Variants in DTNBP1 observed in about 807,000 individuals in gnomAD.
DTNBP1 encodes dysbindin.
In DTNBP1, 35 loss-of-function variants were observed where a neutral mutation model predicts 42.8. That is an observed-to-expected ratio of 0.82 (90% CI 0.63 to 1.09). The LOEUF (loss-of-function observed/expected upper bound fraction) is 1.09. Ranked by LOEUF, DTNBP1 falls within the 50% of genes least tolerant of loss-of-function variation. DTNBP1 has a pLI of 0.00. For synonymous variants in DTNBP1, 171 were observed against 162.2 expected, an observed-to-expected ratio of 1.05 and a Z score of -0.41; for missense variants, 457 against 424.2, an observed-to-expected ratio of 1.08 and a Z score of -0.68.
chr6:15,651,267 T>C (rs374445055), intron 3 of DTNBP1, 46 bp downstream of exon 3: 198 of 1,575,672 alleles, frequency 1.3e-4, no homozygotes, highest in Middle Eastern at 2.3e-4. Flanking sequence ...TTTTGGTCAG[T>C]AAAAAAGTCA....
chr6:15,542,528 C>A (rs1158678699), intron 7 of DTNBP1, among the ~76,000 whole-genome samples: 1 of 151,962 alleles, frequency 6.6e-6, no homozygotes, highest in Non-Finnish European at 1.5e-5. Flanking sequence ...CACGCCACCA[C>A]ACCCAGCTAA....
At chr6:15,625,905 C>G (rs1759312241) in intron 5 of DTNBP1, among the ~76,000 whole-genome samples, 1 of 152,202 alleles carries the variant, frequency 6.6e-6, no homozygotes, top group African/African-American at 2.4e-5. Flanking sequence ...CATTACTATA[C>G]CTGTAAGAGG....
At chr6:15,631,596 C>T (rs1244917577) in intron 4 of DTNBP1, among the ~76,000 whole-genome samples, 2 of 152,106 alleles carry the variant, frequency 1.3e-5, no homozygotes, top group African/African-American at 4.8e-5. Context: ...CGGAACTGTC[C>T]AAAGATTAAA....
intron 6 of DTNBP1, among the ~76,000 whole-genome samples, chr6:15,605,855 T>C (rs1758020717): frequency 6.6e-6 from 1 of 152,252 alleles, no homozygotes; most frequent in African/African-American, 2.4e-5. Context: ...GTACCTGTCT[T>C]TGCCTATAGC....
At chr6:15,620,382 G>C (rs1483090698) in intron 5 of DTNBP1, among the ~76,000 whole-genome samples, 1 of 152,118 alleles carries the variant, frequency 6.6e-6, no homozygotes, top group Non-Finnish European at 1.5e-5. Context: ...GTAGAGACGA[G>C]ACCTCACTAT....
chr6:15,523,077 A>G lies in DTNBP1; in HGVS notation c.954T>C (p.Val318=), dbSNP rs904664456. The stretch of plus-strand genomic sequence containing the variant: ...GAACTTCCTCCTCATCGGACTGAAC[A>G]ACGGGGGACTCCCCACCCTCACTGA... ...RDISEGGESP[V]VQSDEEEVQV... is the part of the protein sequence containing the mutation. Residue 318 remains valine (V), a synonymous_variant, in exon 10 of 10, where the codon GTT becomes GTC. Transcript: ENST00000344537. 6.2e-7 allele frequency: 1 copy of G among 1,614,048 alleles called. No homozygotes were observed. The highest frequency in any genetic ancestry group is 8.5e-7 in the Non-Finnish European group (1 of 1,180,030).
intron 7 of DTNBP1, among the ~76,000 whole-genome samples, chr6:15,554,692 T>C (rs1473524645): frequency 1.6e-4 from 25 of 152,144 alleles, no homozygotes; most frequent in Non-Finnish European, 8.8e-5. Flanking sequence ...TGAATATTTA[T>C]GAAAGGAGAA....
intron 5 of DTNBP1, among the ~76,000 whole-genome samples, chr6:15,624,098 G>T (rs145337277): frequency 9.7e-4 from 148 of 152,330 alleles, no homozygotes; most frequent in African/African-American, 3.3e-3. Flanking sequence ...CGTGGTGCGT[G>T]GCAGATGCCC....
At chr6:15,632,979 T>G (rs1759778323) in intron 4 of DTNBP1, among the ~76,000 whole-genome samples, 1 of 152,236 alleles carries the variant, frequency 6.6e-6, no homozygotes, top group Admixed American at 6.5e-5. Context: ...TATTTAAGCT[T>G]GATACACATT....
intron 8 of DTNBP1, among the ~76,000 whole-genome samples, chr6:15,532,128 A>G (rs1484876719): frequency 6.6e-6 from 1 of 152,202 alleles, no homozygotes. Flanking sequence ...GTTCAGGAGA[A>G]TGGGAGGGCA....
rs576313784 is a variant in DTNBP1, at chr6:15,523,104, G to C, written c.927C>G (p.Asp309Glu). Residue 309 changes from aspartate to glutamate, a missense_variant, in exon 10 of 10, where the codon GAC becomes GAG. Transcript: ENST00000344537. ...CGGGGGACTCCCCACCCTCACTGAT[G>C]TCCCGGGTGGCCGAGTCGGTGCAGG... ...SSTCTDSATR[D>E]ISEGGESPVV... 1 of 1,614,216 alleles carries C rather than the reference G, an allele frequency of 6.2e-7. No homozygotes were observed. Among genetic ancestry groups the C allele is most frequent in the East Asian group, 2.2e-5 (1 of 44,874 alleles).
intron 1 of DTNBP1, among the ~76,000 whole-genome samples, chr6:15,657,705 T>C (rs1761365015): frequency 6.6e-6 from 1 of 152,246 alleles, no homozygotes; most frequent in Non-Finnish European, 1.5e-5. Context: ...TTACTTGCTA[T>C]CTGGTTTGTT....
intron 7 of DTNBP1, chr6:15,548,444 C>CAT (rs201102951): frequency 3.8e-5 from 5 of 131,276 alleles, no homozygotes; most frequent in African/African-American, 1.5e-4. Context: ...CACAGACACA[C>CAT]ACACACACAC....
At chr6:15,590,234 T>C (rs914071142) in intron 7 of DTNBP1, among the ~76,000 whole-genome samples, 5 of 152,138 alleles carry the variant, frequency 3.3e-5, no homozygotes, top group African/African-American at 1.2e-4. Flanking sequence ...ATGCCCGGCC[T>C]ATTCATACAC....
At chr6:15,556,055 C>A (rs9464797) in intron 7 of DTNBP1, among the ~76,000 whole-genome samples, 23,334 of 152,040 alleles carry the variant, frequency 0.15, 2,644 homozygotes, top group African/African-American at 0.31. Flanking sequence ...GGGTTAGAGG[C>A]CCAACTTAGC....
chr6:15,641,728 C>T (rs1760368381), intron 3 of DTNBP1, among the ~76,000 whole-genome samples: 1 of 152,164 alleles, frequency 6.6e-6, no homozygotes, highest in South Asian at 2.1e-4. Context: ...ACCAGATTCC[C>T]TGCAAACACA....
At chr6:15,571,074 T>C (rs1430034974) in intron 7 of DTNBP1, among the ~76,000 whole-genome samples, 1 of 152,154 alleles carries the variant, frequency 6.6e-6, no homozygotes, top group African/African-American at 2.4e-5. Flanking sequence ...GAGGTATACA[T>C]GAGATACTTA....
At chr6:15,604,235 C>G (rs1776842661) in intron 6 of DTNBP1, among the ~76,000 whole-genome samples, 1 of 152,194 alleles carries the variant, frequency 6.6e-6, no homozygotes, top group Non-Finnish European at 1.5e-5. Flanking sequence ...GAGAATAAAT[C>G]TGGTCCCTGT....
In DTNBP1 at chr6:15,602,306, G is replaced by A. The variant is rs538626750; in HGVS notation, c.489-9225C>T. 6.2e-4 allele frequency among the ~76,000 whole-genome samples: 94 copies of A among 152,286 alleles called. No homozygotes were observed. In the Middle Eastern group the frequency reaches 0.01, roughly 17 times the overall value. On this transcript the variant is annotated intron_variant, in intron 6 of 9. Coordinates refer to ENST00000344537, the MANE Select transcript of DTNBP1 (RefSeq NM_032122.5). ...GGTAGAGAAGGGCTGCAGCAGAGAG[G>A]AGGAGCACTGTTTTCTTGTTGCTGA... is the stretch of plus-strand genomic sequence containing the variant.
Sources: allele counts gnomAD v4.1 joint callset (sites outside exome capture counted in the v4.1 genomes callset), GRCh38; gene constraint gnomAD v4.1.1; transcripts MANE v1.5; gene names NCBI Gene and HGNC (gene_info 2026-07-23, HGNC 2026-07-21).